Variants in FBXL17 observed in about 807,000 individuals in gnomAD.
FBXL17 encodes F-box/LRR-repeat protein 17.
Under a neutral mutation model 66.2 loss-of-function variants are expected in FBXL17, and 22 were observed. That is an observed-to-expected ratio of 0.33 (90% confidence interval 0.24 to 0.47). FBXL17 has a LOEUF of 0.47. FBXL17 is among the 20% of genes least tolerant of loss of function. FBXL17 has a pLI of 1.00. For missense variants in FBXL17, 878 were observed against 948.2 expected, an observed-to-expected ratio of 0.93 and a Z score of 0.97; for synonymous variants, 474 against 400.5, an observed-to-expected ratio of 1.18 and a Z score of -2.19.
At chr5:108,342,597 T>C (rs2112440137) in intron 4 of FBXL17, among the ~76,000 whole-genome samples, 1 of 152,298 alleles carries the variant, frequency 6.6e-6, no homozygotes, top group African/African-American at 2.4e-5. Flanking sequence ...AGGTAATGTA[T>C]CCATGCAATC....
intron 6 of FBXL17, among the ~76,000 whole-genome samples, chr5:108,185,465 G>C (rs926607820): frequency 6.6e-6 from 1 of 152,152 alleles, no homozygotes; most frequent in African/African-American, 2.4e-5. Context: ...AGTTTCCTGA[G>C]GCTTCTCCAG....
At chr5:108,136,001 C>T (rs1479519819) in intron 6 of FBXL17, among the ~76,000 whole-genome samples, 1 of 151,992 alleles carries the variant, frequency 6.6e-6, no homozygotes, top group East Asian at 1.9e-4. Flanking sequence ...AATGAATGAG[C>T]AACAATGGTT....
At chr5:108,154,609 AT>A (rs1352653828) in intron 6 of FBXL17, among the ~76,000 whole-genome samples, 30 of 86,836 alleles carry the variant, frequency 3.5e-4, no homozygotes, top group African/African-American at 1.3e-3. Flanking sequence ...AAAAAAAAAT[AT>A]ATATATACAC....
At chr5:108,346,951 A>T (rs1580860970) in intron 4 of FBXL17, among the ~76,000 whole-genome samples, 1 of 152,182 alleles carries the variant, frequency 6.6e-6, no homozygotes, top group African/African-American at 2.4e-5. Flanking sequence ...ATGAACTCCA[A>T]GGGGCAATAA....
At chr5:108,165,409 TCTA>T (rs1010636272) in intron 6 of FBXL17, among the ~76,000 whole-genome samples, 5 of 152,172 alleles carry the variant, frequency 3.3e-5, no homozygotes, top group Admixed American at 1.3e-4. Flanking sequence ...TTACTAAAAA[TCTA>T]CTGTGTGTAT....
chr5:107,948,010 A>C (rs1338887511), intron 7 of FBXL17, among the ~76,000 whole-genome samples: 3 of 152,154 alleles, frequency 2.0e-5, no homozygotes, highest in African/African-American at 7.2e-5. Context: ...CAGAAACCTA[A>C]AGGAACAAAT....
At chr5:107,998,057 A>T (rs1753552534) in intron 7 of FBXL17, among the ~76,000 whole-genome samples, 2 of 152,228 alleles carry the variant, frequency 1.3e-5, no homozygotes, top group Admixed American at 1.3e-4. Flanking sequence ...ATGTGCTGTA[A>T]ATGTAAAATA....
intron 6 of FBXL17, among the ~76,000 whole-genome samples, chr5:108,161,679 A>G (rs925052742): frequency 6.6e-6 from 1 of 152,256 alleles, no homozygotes; most frequent in Non-Finnish European, 1.5e-5. Context: ...CATTAGGATA[A>G]TAAAAGCATA....
At chr5:108,211,760 T>C (rs369426172) in intron 5 of FBXL17, among the ~76,000 whole-genome samples, 6 of 152,314 alleles carry the variant, frequency 3.9e-5, no homozygotes, top group African/African-American at 1.4e-4. Context: ...GCCCTTAACA[T>C]TTTTTCCTTC....
At chr5:108,281,551 T>C (rs1288924282) in intron 4 of FBXL17, among the ~76,000 whole-genome samples, 1 of 151,854 alleles carries the variant, frequency 6.6e-6, no homozygotes, top group Non-Finnish European at 1.5e-5. Flanking sequence ...AGAGGGAGGT[T>C]TATTGCATTA....
intron 4 of FBXL17, among the ~76,000 whole-genome samples, chr5:108,233,499 A>G (rs1755463422): frequency 6.6e-6 from 1 of 152,202 alleles, no homozygotes; most frequent in African/African-American, 2.4e-5. Context: ...AGCATCAGAA[A>G]ATCAGGGAAG....
intron 4 of FBXL17, among the ~76,000 whole-genome samples, chr5:108,324,647 A>T (rs1759767496): frequency 6.6e-6 from 1 of 152,124 alleles, no homozygotes; most frequent in Non-Finnish European, 1.5e-5. Context: ...CTATGTTCAT[A>T]GCGTTACTTA....
chr5:108,222,305 G>A (rs763644079), intron 5 of FBXL17, among the ~76,000 whole-genome samples: 1 of 151,960 alleles, frequency 6.6e-6, no homozygotes, highest in South Asian at 2.1e-4. Flanking sequence ...CACAACACTT[G>A]TTGTGCACAA....
At chr5:108,013,843 G>T (rs547595888) in intron 7 of FBXL17, among the ~76,000 whole-genome samples, 4 of 151,924 alleles carry the variant, frequency 2.6e-5, no homozygotes, top group Non-Finnish European at 5.9e-5. Flanking sequence ...AATAGTTCTC[G>T]TAATAGAGAA....
intron 7 of FBXL17, among the ~76,000 whole-genome samples, chr5:107,893,656 T>A (rs1233678125): frequency 6.6e-6 from 1 of 152,186 alleles, no homozygotes; most frequent in Non-Finnish European, 1.5e-5. Context: ...TATTTTTTTA[T>A]TTTTTCTTAA....
chr5:108,188,109 C>G (rs904273881), intron 5 of FBXL17, among the ~76,000 whole-genome samples: 1 of 152,024 alleles, frequency 6.6e-6, no homozygotes, highest in Non-Finnish European at 1.5e-5. Context: ...GTGGACAGGA[C>G]AGCTCAAAAG....
intron 6 of FBXL17, among the ~76,000 whole-genome samples, chr5:108,167,759 G>A: frequency 6.6e-6 from 1 of 151,992 alleles, no homozygotes; most frequent in Non-Finnish European, 1.5e-5. Flanking sequence ...ATATTCTACA[G>A]ATTTAAGAAA....
rs1196547926 is a variant in FBXL17, at chr5:108,204,263, C to A, written c.1615-18016G>T. Among the ~76,000 whole-genome samples the A allele has an allele frequency of 5.3e-5, 8 of 151,994 alleles. No individual in the cohort carries two copies. The South Asian group carries it at 1.7e-3, about 31-fold the overall frequency. On this transcript the variant is annotated intron_variant, in intron 5 of 8. Transcript: ENST00000542267. Reference sequence around the variant, plus strand: ...TGATTGCAGTGGCATGATCATGGCTCACAGTAGCCTCAAATTCCTGGGCTC... The same window carrying A: ...TGATTGCAGTGGCATGATCATGGCTAACAGTAGCCTCAAATTCCTGGGCTC...
chr5:108,235,679 T>C (rs905618379), intron 4 of FBXL17, among the ~76,000 whole-genome samples: 3 of 152,210 alleles, frequency 2.0e-5, no homozygotes, highest in Non-Finnish European at 4.4e-5. Flanking sequence ...CCCCGCATGA[T>C]CTGATCCCAT....
Sources: gnomAD v4.1 joint callset for allele counts (sites outside exome capture counted in the v4.1 genomes callset) on GRCh38, gnomAD v4.1.1 for gene constraint, MANE v1.5 for transcripts, NCBI Gene and HGNC (gene_info 2026-07-23, HGNC 2026-07-21) for gene names.